The following AHI1 variants were observed in gnomAD, a reference collection of about 807,000 sequenced individuals.
AHI1 encodes Abelson helper integration site 1.
AHI1 carries 123 observed loss-of-function variants against 149.3 expected under a neutral mutation model. The observed-to-expected ratio is 0.82, with a 90% CI of 0.71 to 0.96. The LOEUF (loss-of-function observed/expected upper bound fraction) is 0.96. Among genes scored for constraint, AHI1 ranks in the 40% least tolerant of loss-of-function variants. The pLI, the probability that AHI1 is intolerant of heterozygous loss-of-function variation, is 0.00. For synonymous variants in AHI1, 475 were observed against 459.8 expected, an observed-to-expected ratio of 1.03 and a Z score of -0.42; for missense variants, 1,439 against 1,422.7, an observed-to-expected ratio of 1.01 and a Z score of -0.18.
At position 135,466,159 on chromosome 6, in the gene AHI1, T is replaced by G. The variant is rs1355877244; in HGVS notation, c.404A>C (p.Gln135Pro). Residue 135 changes from glutamine to proline, a missense_variant, in exon 7 of 29, where the codon CAG (glutamine) becomes CCG (proline). Physicochemically the swap from Gln to Pro is moderately conservative, Grantham distance 76. Transcript: ENST00000265602. Reference protein sequence around the residue: ...PNKKVIKTVPQLTTQDLKPET... With the variant: ...PNKKVIKTVPPLTTQDLKPET... Reference sequence around the variant, plus strand: ...CGGTTTCAGGTCTTGTGTAGTCAACTGGGGCACCGTCTTTATCACCTTTTT... The same window carrying G: ...CGGTTTCAGGTCTTGTGTAGTCAACGGGGGCACCGTCTTTATCACCTTTTT... The G allele has an allele frequency of 6.2e-7, 1 of 1,613,940 alleles. No homozygotes were observed. The highest frequency in any genetic ancestry group is 1.1e-5 in the South Asian group (1 of 91,072).
At chr6:135,402,552 A>AT (rs1023251315) in intron 22 of AHI1, among the ~76,000 whole-genome samples, 34 of 151,662 alleles carry the variant, frequency 2.2e-4, no homozygotes, top group African/African-American at 7.7e-4. Flanking sequence ...CTATAGGTGG[A>AT]TTTTTTTTCA....
intron 26 of AHI1, among the ~76,000 whole-genome samples, chr6:135,316,690 A>G (rs963819218): frequency 6.6e-6 from 1 of 151,702 alleles, no homozygotes; most frequent in Non-Finnish European, 1.5e-5. Flanking sequence ...CTCCTCTTAT[A>G]GCTCTATGAC....
In AHI1 at chr6:135,427,229, A is replaced by G; in HGVS notation, c.2702T>C (p.Met901Thr). The G allele has an allele frequency of 1.2e-6, 2 of 1,610,830 alleles. No homozygotes were observed. Among genetic ancestry groups the G allele is most frequent in the African/African-American group, 1.3e-5 (1 of 74,924 alleles). ...RDISYHPFEN[M>T]VAFCAFGQNE... ...TTGCCCAAATGCACAGAATGCAACC[A>G]TATTTTCAAATGGATGATAAGAAAT... is the stretch of plus-strand genomic sequence containing the variant. The change falls in exon 20 of 29, where the codon ATG becomes ACG. Residue 901 changes from methionine (M) to threonine (T), a missense_variant. Transcript: ENST00000265602.
chr6:135,482,894 C>CTTTTTTTCTTTTTTTTTT (rs1793905606), intron 5 of AHI1, among the ~76,000 whole-genome samples: 2 of 55,734 alleles, frequency 3.6e-5, no homozygotes, highest in African/African-American at 1.9e-4. Flanking sequence ...CCATTTAAGG[C>CTTTTTTTCTTTTTTTTTT]TTTTTTTTTT....
chr6:135,481,640 T>A (rs76837813), intron 5 of AHI1, among the ~76,000 whole-genome samples: 5,497 of 151,416 alleles, frequency 0.036, 211 homozygotes, highest in African/African-American at 0.095. Flanking sequence ...TCCTTCTATA[T>A]CACGTTTACT....
chr6:135,426,162 A>G (rs1461213759), intron 20 of AHI1, among the ~76,000 whole-genome samples: 1 of 151,726 alleles, frequency 6.6e-6, no homozygotes, highest in Non-Finnish European at 1.5e-5. Flanking sequence ...TTTTCCTATA[A>G]TCAGGCAGTG....
At position 135,490,448 on chromosome 6, in the gene AHI1, C is replaced by T. The variant is rs1795095052; in HGVS notation, c.135+175G>A. The T allele has an allele frequency of 5.3e-5, 39 of 737,758 alleles. 1 individual carries two copies. The South Asian group carries it at 7.0e-4, about 13-fold the overall frequency. 45.7% of individuals were successfully genotyped at this position (737,758 alleles called of 1,614,324 possible). A position where few individuals can be genotyped will look rare whatever the true frequency, so the allele number is the denominator to read the frequency against. ...AGCACTCAAGAATGAAGTCAATATT[C>T]TCACAGTGATGTTGATTCTAATATA... On this transcript the variant is annotated intron_variant, in intron 5 of 28. Coordinates refer to ENST00000265602, the MANE Select transcript of AHI1 (RefSeq NM_001134831.2).
At chr6:135,479,024 T>C (rs1011516026) in intron 5 of AHI1, among the ~76,000 whole-genome samples, 2 of 152,260 alleles carry the variant, frequency 1.3e-5, no homozygotes, top group Non-Finnish European at 2.9e-5. Flanking sequence ...AGGCAAGAGG[T>C]GAGGTTTAGA....
chr6:135,318,610 T>TA lies in AHI1; in HGVS notation c.3334dup (p.Tyr1112LeufsTer7). The TA allele has an allele frequency of 6.3e-7, 1 of 1,599,560 alleles. No homozygotes were observed. The highest frequency in any genetic ancestry group is 1.1e-5 in the South Asian group (1 of 87,666). On this transcript the variant is annotated frameshift_variant, in exon 26 of 29. Coordinates refer to ENST00000265602, the MANE Select transcript of AHI1 (RefSeq NM_001134831.2). LOFTEE classifies it high-confidence loss of function. ...CTTTATCTCAGGAGGCAGTTCTTGATACAGTGCTGAAATTGGAAAAAGGAA... is the reference window on the plus strand; with the variant it reads ...CTTTATCTCAGGAGGCAGTTCTTGATAACAGTGCTGAAATTGGAAAAAGGAA...
chr6:135,415,819 CCAA>C, intron 20 of AHI1, among the ~76,000 whole-genome samples: 1 of 152,026 alleles, frequency 6.6e-6, no homozygotes. Flanking sequence ...TAAACAACAC[CCAA>C]CAATATAAAG....
intron 23 of AHI1, 172 bp downstream of exon 23, chr6:135,394,604 A>T: frequency 1.1e-6 from 1 of 895,364 alleles, no homozygotes; most frequent in Non-Finnish European, 1.7e-6. Flanking sequence ...TTCCAAACTT[A>T]CTTTTGAAAT....
chr6:135,363,425 T>C (rs1794236978), intron 23 of AHI1, among the ~76,000 whole-genome samples: 1 of 152,096 alleles, frequency 6.6e-6, no homozygotes, highest in Admixed American at 6.5e-5. Context: ...CAGAACAAAA[T>C]GAAAAGTCTC....
At chr6:135,437,674 T>C (rs1785614637) in intron 15 of AHI1, among the ~76,000 whole-genome samples, 1 of 152,236 alleles carries the variant, frequency 6.6e-6, no homozygotes, top group Non-Finnish European at 1.5e-5. Flanking sequence ...ACTGTTTACA[T>C]GTCAGTTTCG....
At chr6:135,370,982 T>C (rs1032493937) in intron 23 of AHI1, among the ~76,000 whole-genome samples, 1 of 152,150 alleles carries the variant, frequency 6.6e-6, no homozygotes, top group Admixed American at 6.5e-5. Context: ...TAAACCTCTC[T>C]CCAACCAAGA....
At chr6:135,305,986 A>AT (rs1210907744) in intron 26 of AHI1, among the ~76,000 whole-genome samples, 1 of 152,202 alleles carries the variant, frequency 6.6e-6, no homozygotes, top group African/African-American at 2.4e-5. Context: ...ACATGGTCTC[A>AT]TAGTTTCCCT....
At chr6:135,377,154 G>A (rs1457749028) in intron 23 of AHI1, among the ~76,000 whole-genome samples, 1 of 151,954 alleles carries the variant, frequency 6.6e-6, no homozygotes, top group Non-Finnish European at 1.5e-5. Flanking sequence ...TATGATAATG[G>A]TACTGTGGTT....
rs553920413 is a variant in AHI1, at chr6:135,421,997, A to G, written c.2764+5170T>C. The stretch of plus-strand genomic sequence containing the variant: ...ATCTGAATGTGCTTTTGAACTATTC[A>G]TAAGTATTACAAATGAATGCCATAT... On this transcript the variant is annotated intron_variant, in intron 20 of 28. Coordinates refer to ENST00000265602, the MANE Select transcript of AHI1 (RefSeq NM_001134831.2). 1.1e-4 allele frequency among the ~76,000 whole-genome samples: 17 copies of G among 152,316 alleles called. No individual in the cohort carries two copies. The South Asian group carries it at 3.5e-3, about 32-fold the overall frequency.
rs114215865 is a variant in AHI1 at position 135,464,249 on chromosome 6, C to T, written c.750-943G>A. ...ATTTCAAATTAGTCATTCCAGAAAG[C>T]CATTCTATTTGATCACATCACCAAA... is the stretch of plus-strand genomic sequence containing the variant. On this transcript the variant is annotated intron_variant, in intron 7 of 28. Transcript: ENST00000265602. Among the ~76,000 whole-genome samples, 526 of 152,176 alleles carry T rather than the reference C, an allele frequency of 3.5e-3. 5 individuals carry two copies. The highest frequency in any genetic ancestry group is 0.012 in the African/African-American group (493 of 41,510).
intron 20 of AHI1, among the ~76,000 whole-genome samples, chr6:135,423,626 G>A (rs1217819829): frequency 1.3e-5 from 2 of 152,092 alleles, no homozygotes; most frequent in Non-Finnish European, 2.9e-5. Flanking sequence ...TACTTAGGAA[G>A]TACAAAGGAC....
Sources: gnomAD v4.1 joint callset for allele counts (sites outside exome capture counted in the v4.1 genomes callset) on GRCh38, gnomAD v4.1.1 for gene constraint, MANE v1.5 for transcripts, NCBI Gene and HGNC (gene_info 2026-07-23, HGNC 2026-07-21) for gene names.